Variants in CHRM3 observed in about 807,000 individuals in gnomAD.
CHRM3 encodes muscarinic acetylcholine receptor M3.
Under a neutral mutation model 41.8 loss-of-function variants are expected in CHRM3, and 11 were observed. The ratio of observed to expected loss-of-function variants is 0.26; its 90% CI spans 0.17 to 0.44. CHRM3 has a LOEUF of 0.44. Ranked by LOEUF, CHRM3 falls within the 20% of genes least tolerant of loss-of-function variation. The pLI is 1.00. For synonymous variants in CHRM3, 297 were observed against 301.4 expected (o/e 0.99, Z 0.15); for missense variants, 571 against 745.4 (o/e 0.77, Z 2.72).
chr1:239,690,115 A>AT (rs1336113124), intron 5 of CHRM3, among the ~76,000 whole-genome samples: 1 of 152,098 alleles, frequency 6.6e-6, no homozygotes, highest in Admixed American at 6.5e-5. Flanking sequence ...AAGGCAATAC[A>AT]TTCTCCTTCT....
At chr1:239,669,392 A>AT (rs1207082837) in intron 4 of CHRM3, among the ~76,000 whole-genome samples, 1 of 151,770 alleles carries the variant, frequency 6.6e-6, no homozygotes, top group East Asian at 1.9e-4. Flanking sequence ...TTGTTGTTTT[A>AT]TTTTTTCCTT....
intron 6 of CHRM3, among the ~76,000 whole-genome samples, chr1:239,864,500 TCC>T (rs1435320566): frequency 2.7e-5 from 4 of 150,402 alleles, no homozygotes; most frequent in Admixed American, 6.6e-5. Flanking sequence ...AGAGCGAAAC[TCC>T]GTCTCAAAAC....
intron 1 of CHRM3, among the ~76,000 whole-genome samples, chr1:239,451,036 C>A (rs1283135448): frequency 6.6e-6 from 1 of 152,030 alleles, no homozygotes; most frequent in Admixed American, 6.5e-5. Flanking sequence ...GCCTGGGCAA[C>A]ACAGCGAGAC....
intron 5 of CHRM3, among the ~76,000 whole-genome samples, chr1:239,718,360 C>T (rs898371345): frequency 1.3e-5 from 2 of 151,992 alleles, no homozygotes; most frequent in African/African-American, 4.8e-5. Flanking sequence ...AACTCCTCAG[C>T]GTGAAACATG....
chr1:239,484,836 G>A (rs1667086101), intron 1 of CHRM3, among the ~76,000 whole-genome samples: 1 of 152,062 alleles, frequency 6.6e-6, no homozygotes, highest in African/African-American at 2.4e-5. Flanking sequence ...TTCTATCCTT[G>A]GGCAGCTGTG....
intron 1 of CHRM3, among the ~76,000 whole-genome samples, chr1:239,405,293 C>T (rs1272416683): frequency 1.3e-5 from 2 of 152,096 alleles, no homozygotes; most frequent in South Asian, 2.1e-4. Context: ...CCAACCATTC[C>T]ACTGGTAGTT....
At chr1:239,457,905 G>C (rs1665071693) in intron 1 of CHRM3, among the ~76,000 whole-genome samples, 1 of 152,212 alleles carries the variant, frequency 6.6e-6, no homozygotes, top group African/African-American at 2.4e-5. Flanking sequence ...CAAGTAACTT[G>C]TGAAATGGTT....
intron 5 of CHRM3, among the ~76,000 whole-genome samples, chr1:239,796,820 G>T (rs1333967297): frequency 6.6e-6 from 1 of 151,930 alleles, no homozygotes; most frequent in Non-Finnish European, 1.5e-5. Context: ...GTACCCAGTG[G>T]GTAGCTTTTC....
At chr1:239,709,963 A>G (rs530454622) in intron 5 of CHRM3, among the ~76,000 whole-genome samples, 1 of 152,220 alleles carries the variant, frequency 6.6e-6, no homozygotes, top group African/African-American at 2.4e-5. Context: ...GTATCATGAG[A>G]TATTACTAAA....
intron 1 of CHRM3, among the ~76,000 whole-genome samples, chr1:239,465,420 T>C (rs55748704): frequency 0.021 from 3,256 of 152,300 alleles, 102 homozygotes; most frequent in African/African-American, 0.074. Flanking sequence ...GAAATAGGAC[T>C]AAAGAGTCTT....
chr1:239,437,546 A>AT (rs1001472124), intron 1 of CHRM3, among the ~76,000 whole-genome samples: 19 of 151,486 alleles, frequency 1.3e-4, no homozygotes, highest in South Asian at 4.2e-4. Context: ...TTTTATTTTT[A>AT]TTTTTTTTGA....
At chr1:239,760,005 C>T (rs991896510) in intron 5 of CHRM3, among the ~76,000 whole-genome samples, 1 of 152,052 alleles carries the variant, frequency 6.6e-6, no homozygotes, top group Non-Finnish European at 1.5e-5. Context: ...AGCTCTGCCT[C>T]CCGGGTTCAC....
At chr1:239,398,592 G>T (rs890970381) in intron 1 of CHRM3, among the ~76,000 whole-genome samples, 1 of 151,974 alleles carries the variant, frequency 6.6e-6, no homozygotes, top group Non-Finnish European at 1.5e-5. Flanking sequence ...TTTGTCCATT[G>T]GTATAGTTAA....
At chr1:239,508,487 A>G (rs1668717624) in intron 2 of CHRM3, among the ~76,000 whole-genome samples, 1 of 152,172 alleles carries the variant, frequency 6.6e-6, no homozygotes, top group African/African-American at 2.4e-5. Flanking sequence ...GCAATTTAAT[A>G]CTTGTAATAT....
At chr1:239,485,522 G>GTTCCTCCTTGGCCT (rs1361750652) in intron 1 of CHRM3, among the ~76,000 whole-genome samples, 1 of 152,022 alleles carries the variant, frequency 6.6e-6, no homozygotes, top group Non-Finnish European at 1.5e-5. Flanking sequence ...GGCCTTAAGC[G>GTTCCTCCTTGGCCT]TTCCTCCTTG....
chr1:239,834,276 A>G (rs1184476145), intron 6 of CHRM3, among the ~76,000 whole-genome samples: 3 of 148,724 alleles, frequency 2.0e-5, no homozygotes, highest in Admixed American at 6.7e-5. Flanking sequence ...TCAACTCTCT[A>G]CCATAATACC....
chr1:239,433,709 G>A (rs1391119207), intron 1 of CHRM3, among the ~76,000 whole-genome samples: 1 of 151,414 alleles, frequency 6.6e-6, no homozygotes, highest in Non-Finnish European at 1.5e-5. Flanking sequence ...GACATATGAT[G>A]TTTGGTTTTC....
chr1:239,694,193 T>C lies in CHRM3; in HGVS notation c.-147+15905T>C, dbSNP rs911352707. On this transcript the variant is annotated intron_variant, in intron 5 of 6. Coordinates refer to ENST00000676153, the MANE Select transcript of CHRM3 (RefSeq NM_001375978.1). ...TCAAAAATAATTGAGCTCTTCCACC[T>C]CTCGAACTTGTTTTATTCATAAAGA... Among the ~76,000 whole-genome samples, 3 of 152,202 alleles carry C rather than the reference T, an allele frequency of 2.0e-5. No individual in the cohort carries two copies. The East Asian group carries it at 5.8e-4, about 29-fold the overall frequency.
rs1042715866 is a variant in CHRM3, at chr1:239,915,098, C to T, written c.*5874C>T. ...TGCTGATTTCTCTTGGCAGGAAGCT[C>T]TCAGGGAAATGTCTGTGAATCATTT... On this transcript the variant is annotated 3_prime_UTR_variant, in exon 7 of 7. Coordinates refer to ENST00000676153, the MANE Select transcript of CHRM3 (RefSeq NM_001375978.1). 2.4e-5 allele frequency: 4 copies of T among 167,010 alleles called. No homozygotes were observed. Among genetic ancestry groups the T allele is most frequent in the Admixed American group, 2.0e-4 (3 of 15,270 alleles). The allele number at this position is 167,010 out of a possible 1,614,324, so 10.3% of individuals were successfully genotyped here.
Sources: allele counts gnomAD v4.1 joint callset (sites outside exome capture counted in the v4.1 genomes callset), GRCh38; gene constraint gnomAD v4.1.1; transcripts MANE v1.5; gene names NCBI Gene and HGNC (gene_info 2026-07-23, HGNC 2026-07-21).